Variants in CCNH observed in about 807,000 individuals in gnomAD.
CCNH encodes the protein cyclin H, also known as cyclin-H.
CCNH carries 31 observed loss-of-function variants against 41.9 expected under a neutral mutation model. The observed-to-expected ratio is 0.74, with a 90% CI of 0.56 to 1.00. The LOEUF (loss-of-function observed/expected upper bound fraction) is 1.00, where lower values mean the gene tolerates loss of function less well. Among genes scored for constraint, CCNH ranks in the 50% least tolerant of loss-of-function variants. The pLI is 0.00. For missense variants in CCNH, 362 were observed against 388.4 expected (o/e 0.93, Z 0.57); for synonymous variants, 138 against 136.1 (o/e 1.01, Z -0.10).
At position 87,328,836 on chromosome 5, in the gene CCNH, T is replaced by A. The variant is rs58891504; in HGVS notation, c.*91-9939A>T. 8.9e-3 allele frequency among the ~76,000 whole-genome samples: 1,362 copies of A among 152,290 alleles called. 45 individuals are homozygous for A. The East Asian group carries it at 0.1, about 11-fold the overall frequency. On this transcript the variant is annotated intron_variant and NMD_transcript_variant, in intron 9 of 9. Coordinates refer to the CCNH transcript ENST00000645953. Reference sequence around the variant, plus strand: ...ACTGGTGTTTAAAGGTTATATAGTATTTTACTTAGGTTCTAGAAATCTGTA... The same window carrying A: ...ACTGGTGTTTAAAGGTTATATAGTAATTTACTTAGGTTCTAGAAATCTGTA...
chr5:87,338,612 T>C, intron 9 of CCNH, among the ~76,000 whole-genome samples: 1 of 148,400 alleles, frequency 6.7e-6, no homozygotes, highest in East Asian at 2.0e-4. Context: ...CCTCAAGTGT[T>C]CCACCCGCCT....
In CCNH at chr5:87,342,126, A is replaced by G. The variant is rs146576975; in HGVS notation, c.*91-23229T>C. On this transcript the variant is annotated intron_variant and NMD_transcript_variant, in intron 9 of 9. Coordinates refer to the CCNH transcript ENST00000645953. ...TTAGTTTGAAGTCTCCTCTCTACCT[A>G]TATCAGGAGTTTCAAATTCTTTTTT... Among the ~76,000 whole-genome samples the G allele has an allele frequency of 1.3e-4, 19 of 148,998 alleles. 1 individual carries two copies. In the East Asian group the frequency reaches 3.5e-3, roughly 28 times the overall value.
intron 9 of CCNH, chr5:87,369,669 G>A (rs1247469762): frequency 2.4e-5 from 14 of 590,134 alleles, no homozygotes; most frequent in Admixed American, 6.1e-5. Flanking sequence ...CTTTTTTTTA[G>A]TAATGATCTG....
At chr5:87,329,281 C>CA (rs571157213) in intron 9 of CCNH, among the ~76,000 whole-genome samples, 336 of 119,116 alleles carry the variant, frequency 2.8e-3, no homozygotes, top group South Asian at 9.6e-3. Context: ...TCTGTCTCTC[C>CA]AAAAAAAAAA....
At chr5:87,337,157 A>G (rs1035272259) in intron 9 of CCNH, among the ~76,000 whole-genome samples, 1 of 152,106 alleles carries the variant, frequency 6.6e-6, no homozygotes, top group African/African-American at 2.4e-5. Flanking sequence ...ATTCAGATGC[A>G]TTCTTTTAAG....
chr5:87,388,123 T>C (rs996507404), downstream of CCNH, among the ~76,000 whole-genome samples: 21 of 152,230 alleles, frequency 1.4e-4, no homozygotes, highest in Admixed American at 1.3e-3. Context: ...CTGTGATATA[T>C]AATTCTGTGT....
intron 9 of CCNH, among the ~76,000 whole-genome samples, chr5:87,359,741 C>T (rs569559477): frequency 6.6e-6 from 1 of 152,024 alleles, no homozygotes; most frequent in East Asian, 1.9e-4. Context: ...TTTTATATTC[C>T]TAAGTCATTT....
chr5:87,392,728 C>T (rs1179021886), downstream of CCNH: 1 of 158,768 alleles, frequency 6.3e-6, no homozygotes, highest in African/African-American at 2.4e-5. Context: ...TATATTTTAA[C>T]ATCATTTGTC....
chr5:87,322,500 G>A lies in CCNH; in HGVS notation c.*91-3603C>T, dbSNP rs530227444. Among the ~76,000 whole-genome samples the A allele has an allele frequency of 1.6e-3, 244 of 152,232 alleles. 1 individual carries two copies. Among genetic ancestry groups the A allele is most frequent in the Middle Eastern group, 6.8e-3 (2 of 294 alleles). ...ACTAAATCAGTCAGTCCCTGGTGCC[G>A]GAGGTTGGGGACTACTGGTTTAAAG... On this transcript the variant is annotated intron_variant and NMD_transcript_variant, in intron 9 of 9. Transcript: ENST00000645953.
At chr5:87,395,000 T>C (rs1267782301) in intron 8 of CCNH, 44 bp downstream of exon 8, 2 of 1,612,246 alleles carry the variant, frequency 1.2e-6, no homozygotes, top group South Asian at 1.1e-5. Context: ...CACCAGAATG[T>C]ATAACAAAAA....
intron 9 of CCNH, chr5:87,331,167 T>C: frequency 1.1e-6 from 1 of 899,658 alleles, no homozygotes; most frequent in Admixed American, 2.0e-5. Context: ...ACCAAGTAAA[T>C]GAGTATTTTT....
chr5:87,385,517 T>C, intron 9 of CCNH: 1 of 737,792 alleles, frequency 1.4e-6, no homozygotes, highest in Non-Finnish European at 2.3e-6. Context: ...TTTTTGTTGG[T>C]ATGTTTGTTT....
downstream of CCNH, among the ~76,000 whole-genome samples, chr5:87,313,656 CAG>C (rs959526158): frequency 1.3e-5 from 2 of 151,964 alleles, no homozygotes; most frequent in African/African-American, 2.4e-5. Flanking sequence ...ATGGAGAAAA[CAG>C]ATATGAAAAT....
intron 9 of CCNH, among the ~76,000 whole-genome samples, chr5:87,338,760 G>C (rs573155020): frequency 6.8e-4 from 103 of 150,834 alleles, no homozygotes; most frequent in African/African-American, 2.4e-3. Context: ...ACCTCAACTG[G>C]TTACACATGT....
At chr5:87,397,474 T>C (rs1472889938) in intron 7 of CCNH, among the ~76,000 whole-genome samples, 1 of 152,206 alleles carries the variant, frequency 6.6e-6, no homozygotes, top group Non-Finnish European at 1.5e-5. Context: ...AAATTTTTAA[T>C]AGCAATTTGA....
At chr5:87,337,632 T>A (rs1758066983) in intron 9 of CCNH, among the ~76,000 whole-genome samples, 1 of 152,114 alleles carries the variant, frequency 6.6e-6, no homozygotes, top group African/African-American at 2.4e-5. Flanking sequence ...TCAATTCAGT[T>A]TTCTTGTAGT....
chr5:87,331,114 A>G, intron 9 of CCNH: 2 of 863,728 alleles, frequency 2.3e-6, no homozygotes, highest in Non-Finnish European at 3.5e-6. Flanking sequence ...GAAGAGATTT[A>G]TATATGAGAT....
At chr5:87,329,522 ATAAAG>A (rs1757461847) in intron 9 of CCNH, among the ~76,000 whole-genome samples, 1 of 152,184 alleles carries the variant, frequency 6.6e-6, no homozygotes, top group Non-Finnish European at 1.5e-5. Flanking sequence ...GATATTTCTT[ATAAAG>A]TAGTAATTGT....
intron 9 of CCNH, among the ~76,000 whole-genome samples, chr5:87,327,621 T>C (rs1757322471): frequency 6.6e-6 from 1 of 152,198 alleles, no homozygotes; most frequent in South Asian, 2.1e-4. Context: ...AGCATAATCA[T>C]ACTTCTTTGA....
Sources: gnomAD v4.1 joint callset for allele counts (sites outside exome capture counted in the v4.1 genomes callset) on GRCh38, gnomAD v4.1.1 for gene constraint, MANE v1.5 for transcripts, NCBI Gene and HGNC (gene_info 2026-07-23, HGNC 2026-07-21) for gene names.